Variants in IPO8 observed in about 807,000 individuals in gnomAD.
The protein encoded by IPO8 is importin-8.
IPO8 carries 65 observed loss-of-function variants against 141.2 expected under a neutral mutation model. The ratio of observed to expected loss-of-function variants is 0.46; its 90% confidence interval spans 0.38 to 0.57. IPO8 has a LOEUF of 0.57. Ranked by LOEUF, IPO8 falls within the 20% of genes least tolerant of loss-of-function variation. The pLI, the probability that IPO8 is intolerant of heterozygous loss-of-function variation, is 0.00. For missense variants in IPO8, 980 were observed against 1,246.8 expected (o/e 0.79, Z 3.22); for synonymous variants, 411 against 420.3 (o/e 0.98, Z 0.27).
chr12:30,655,581 T>C (rs960846961), intron 17 of IPO8, among the ~76,000 whole-genome samples: 1 of 152,168 alleles, frequency 6.6e-6, no homozygotes, highest in Admixed American at 6.5e-5. Context: ...GTTCTTTCTA[T>C]GAGTTTGAGA....
At chr12:30,632,056 T>C in intron 23 of IPO8, 45 bp from the exon 24 acceptor site, 1 of 1,276,608 alleles carries the variant, frequency 7.8e-7, no homozygotes, top group Non-Finnish European at 1.1e-6. Context: ...CAGCGACTAT[T>C]AATTTACAGA....
At chr12:30,661,304 T>C in intron 15 of IPO8, 38 bp from the exon 16 acceptor site, 1 of 1,527,608 alleles carries the variant, frequency 6.5e-7, no homozygotes, top group Non-Finnish European at 8.8e-7. Context: ...CAATTAGTAG[T>C]ACTGTTACGT....
intron 16 of IPO8, among the ~76,000 whole-genome samples, chr12:30,659,058 T>C (rs36074842): frequency 0.21 from 31,728 of 151,708 alleles, 3,486 homozygotes; most frequent in East Asian, 0.29. Context: ...TTTTTTGTAT[T>C]TTTAGTAGAG....
At chr12:30,684,791 A>G (rs1356986317) in intron 2 of IPO8, among the ~76,000 whole-genome samples, 1 of 152,150 alleles carries the variant, frequency 6.6e-6, no homozygotes, top group East Asian at 1.9e-4. Context: ...ACAACAGGTA[A>G]AGTTCTACTT....
rs2052417348 is a variant in IPO8 at position 30,630,583 on chromosome 12, C to G, written c.*277G>C. 7.8e-6 allele frequency: 3 copies of G among 384,474 alleles called. No homozygotes were observed. The highest frequency in any genetic ancestry group is 1.3e-4 in the South Asian group (2 of 15,558). 23.8% of individuals were successfully genotyped at this position (384,474 alleles called of 1,614,324 possible). A position where few individuals can be genotyped will look rare whatever the true frequency, so the allele number is the denominator to read the frequency against. ...AGTCTATCCAATCCTCTAAAACAAC[C>G]TTGGGCATTCAGCCTTTGGAACATA... On this transcript the variant is annotated 3_prime_UTR_variant, in exon 25 of 25. Coordinates refer to ENST00000256079, the MANE Select transcript of IPO8 (RefSeq NM_006390.4).
chr12:30,668,124 G>T (rs991837924), intron 10 of IPO8, among the ~76,000 whole-genome samples: 3 of 151,936 alleles, frequency 2.0e-5, no homozygotes, highest in Admixed American at 2.0e-4. Context: ...AAAAACAAAG[G>T]CATAAGAAAG....
intron 6 of IPO8, among the ~76,000 whole-genome samples, chr12:30,676,195 G>A (rs1413101902): frequency 6.6e-6 from 1 of 152,136 alleles, no homozygotes; most frequent in South Asian, 2.1e-4. Context: ...CAAAGTGCTA[G>A]GATTACATGT....
At chr12:30,650,790 T>C (rs1394658214) in intron 19 of IPO8, among the ~76,000 whole-genome samples, 2 of 152,072 alleles carry the variant, frequency 1.3e-5, no homozygotes, top group Non-Finnish European at 2.9e-5. Context: ...TGGAGTCAGA[T>C]TAGGTTCAAA....
chr12:30,695,363 T>A lies in IPO8; in HGVS notation c.84+201A>T, dbSNP rs1342936830. 2.6e-5 allele frequency among the ~76,000 whole-genome samples: 4 copies of A among 152,000 alleles called. No homozygotes were observed. Among genetic ancestry groups the A allele is most frequent in the Admixed American group, 2.6e-4 (4 of 15,274 alleles). ...AAAAGGTGCAAAGGTGGCCAACAGG[T>A]GCGCGAGCTGTTCGGCAAAGATCCT... On this transcript the variant is annotated intron_variant, in intron 1 of 24. Coordinates refer to ENST00000256079, the MANE Select transcript of IPO8 (RefSeq NM_006390.4). The surrounding 1 kb of genome is among the most constrained non-coding windows in gnomAD (Gnocchi z 4.2).
intron 24 of IPO8, 144 bp downstream of exon 24, chr12:30,631,751 A>G (rs2052435595): frequency 1.6e-6 from 1 of 622,564 alleles, no homozygotes; most frequent in South Asian, 1.9e-5. Context: ...ACAATCATAC[A>G]ATAATGACAA....
chr12:30,670,858 G>T lies in IPO8; in HGVS notation c.1044+104C>A, dbSNP rs1048697871. 6.9e-6 allele frequency: 6 copies of T among 869,262 alleles called. No individual in the cohort carries two copies. The South Asian group carries it at 1.2e-4, about 17-fold the overall frequency. The allele number at this position is 869,262 out of a possible 1,614,324, so 53.8% of individuals were successfully genotyped here. A position where few individuals can be genotyped will look rare whatever the true frequency, so the allele number is the denominator to read the frequency against. On this transcript the variant is annotated intron_variant, in intron 9 of 24. Transcript: ENST00000256079. The stretch of plus-strand genomic sequence containing the variant: ...CATTAGAAATTATTAATGGTAAAAT[G>T]TATATATATAAAATGTAAAATATAG...
chr12:30,659,038 G>A (rs1204640401), intron 16 of IPO8, among the ~76,000 whole-genome samples: 1 of 151,760 alleles, frequency 6.6e-6, no homozygotes, highest in East Asian at 2.0e-4. Flanking sequence ...CCGCCACCAC[G>A]CCAGGCTAAT....
intron 2 of IPO8, among the ~76,000 whole-genome samples, chr12:30,685,604 T>C (rs2053233499): frequency 6.6e-6 from 1 of 151,836 alleles, no homozygotes; most frequent in African/African-American, 2.4e-5. Flanking sequence ...CCCACCCAAC[T>C]CTTTCTTCAC....
At chr12:30,691,741 A>T (rs2053293196) in intron 1 of IPO8, among the ~76,000 whole-genome samples, 1 of 152,196 alleles carries the variant, frequency 6.6e-6, no homozygotes. Context: ...CATATTATTC[A>T]TTTTTTTAAA....
At chr12:30,645,804 G>A (rs878984129) in intron 20 of IPO8, among the ~76,000 whole-genome samples, 3 of 151,980 alleles carry the variant, frequency 2.0e-5, no homozygotes, top group Admixed American at 2.0e-4. Context: ...AAAAAGAAAT[G>A]TAAACTACGA....
intron 15 of IPO8, among the ~76,000 whole-genome samples, chr12:30,662,013 T>G (rs2052894393): frequency 6.6e-6 from 1 of 152,206 alleles, no homozygotes; most frequent in South Asian, 2.1e-4. Context: ...TGAACATCAT[T>G]GAATGTACTT....
chr12:30,684,584 CA>C (rs2053221654), intron 2 of IPO8, 127 bp from the exon 3 acceptor site: 1 of 757,862 alleles, frequency 1.3e-6, no homozygotes, highest in Non-Finnish European at 2.1e-6. Context: ...GATACTCTTA[CA>C]GGTATAAACA....
intron 5 of IPO8, among the ~76,000 whole-genome samples, chr12:30,678,410 A>G (rs752953192): frequency 1.3e-5 from 2 of 152,138 alleles, no homozygotes; most frequent in Non-Finnish European, 2.9e-5. Context: ...TCTATTACTT[A>G]CCATTGAGTT....
chr12:30,638,204 A>G (rs1334065770), intron 21 of IPO8, among the ~76,000 whole-genome samples: 1 of 152,224 alleles, frequency 6.6e-6, no homozygotes, highest in Non-Finnish European at 1.5e-5. Flanking sequence ...TAAACACATA[A>G]GAGAACCAAC....
Sources: allele counts gnomAD v4.1 joint callset (sites outside exome capture counted in the v4.1 genomes callset), GRCh38; gene constraint gnomAD v4.1.1; non-coding constraint Gnocchi (gnomAD v3.1); transcripts MANE v1.5; gene names NCBI Gene and HGNC (gene_info 2026-07-23, HGNC 2026-07-21).